Variants in ADAMTSL1 observed in about 807,000 individuals in gnomAD.
ADAMTSL1 encodes ADAMTS-like protein 1.
A neutral mutation model predicts 201.8 loss-of-function variants in ADAMTSL1; 126 were observed. That is an observed-to-expected ratio of 0.62 (90% CI 0.54 to 0.72). The LOEUF is 0.72. Ranked by LOEUF, ADAMTSL1 falls within the 30% of genes least tolerant of loss-of-function variation. ADAMTSL1 has a pLI of 0.00. For synonymous variants in ADAMTSL1, 1,121 were observed against 903.4 expected (o/e 1.24, Z -4.32); for missense variants, 2,679 against 2,277.8 (o/e 1.18, Z -3.59).
At chr9:18,550,719 A>G (rs1820749030) in intron 3 of ADAMTSL1, among the ~76,000 whole-genome samples, 1 of 151,972 alleles carries the variant, frequency 6.6e-6, no homozygotes, top group South Asian at 2.1e-4. Flanking sequence ...ATCATGAGAT[A>G]ATAAATTTGT....
intron 1 of ADAMTSL1, among the ~76,000 whole-genome samples, chr9:18,083,502 T>G (rs1343994965): frequency 6.6e-6 from 1 of 152,224 alleles, no homozygotes; most frequent in Admixed American, 6.5e-5. Context: ...TTTTTAATGT[T>G]GATATTTAGC....
At chr9:18,013,281 G>C (rs914000569) in intron 1 of ADAMTSL1, among the ~76,000 whole-genome samples, 1 of 152,012 alleles carries the variant, frequency 6.6e-6, no homozygotes, top group Non-Finnish European at 1.5e-5. Flanking sequence ...AAGCCTAACA[G>C]AAATTTGACT....
intron 4 of ADAMTSL1, among the ~76,000 whole-genome samples, chr9:18,613,564 G>A (rs747620438): frequency 6.4e-4 from 97 of 152,248 alleles, no homozygotes; most frequent in South Asian, 1.7e-3. Context: ...CCTTTGCAGG[G>A]ACATGAATGG....
intron 2 of ADAMTSL1, among the ~76,000 whole-genome samples, chr9:18,270,290 C>A (rs1264743924): frequency 3.3e-5 from 5 of 151,974 alleles, no homozygotes; most frequent in Non-Finnish European, 7.4e-5. Flanking sequence ...GAGGACTCAG[C>A]CCTCATGATT....
At chr9:18,328,880 T>A (rs1169802309) in intron 2 of ADAMTSL1, among the ~76,000 whole-genome samples, 1 of 152,162 alleles carries the variant, frequency 6.6e-6, no homozygotes, top group Non-Finnish European at 1.5e-5. Flanking sequence ...AAACCATGGA[T>A]GTCCTTATGC....
intron 23 of ADAMTSL1, among the ~76,000 whole-genome samples, chr9:18,886,681 G>T (rs1828921864): frequency 6.6e-6 from 1 of 152,170 alleles, no homozygotes; most frequent in East Asian, 1.9e-4. Context: ...TCTCTCCAGG[G>T]CCTCTTTTAT....
intron 1 of ADAMTSL1, among the ~76,000 whole-genome samples, chr9:17,982,704 T>C (rs1357695386): frequency 6.6e-6 from 1 of 152,190 alleles, no homozygotes; most frequent in Non-Finnish European, 1.5e-5. Flanking sequence ...TCAGTTTAAA[T>C]GGCAGAATCA....
intron 2 of ADAMTSL1, among the ~76,000 whole-genome samples, chr9:18,433,320 C>T (rs975637388): frequency 5.9e-5 from 9 of 151,878 alleles, no homozygotes; most frequent in African/African-American, 2.2e-4. Context: ...GCGTTCTTTC[C>T]CCTAAAAGAA....
chr9:18,430,969 G>T (rs751567628), intron 2 of ADAMTSL1, among the ~76,000 whole-genome samples: 4 of 152,148 alleles, frequency 2.6e-5, no homozygotes, highest in Non-Finnish European at 4.4e-5. Flanking sequence ...GATATATTAG[G>T]TCCCTACAGA....
intron 5 of ADAMTSL1, among the ~76,000 whole-genome samples, chr9:18,629,335 G>T (rs1292367203): frequency 6.6e-6 from 1 of 152,056 alleles, no homozygotes; most frequent in Non-Finnish European, 1.5e-5. Context: ...AATCTTAAGA[G>T]GAAAGCATTC....
At chr9:18,567,661 T>C (rs558862772) in intron 3 of ADAMTSL1, among the ~76,000 whole-genome samples, 3 of 152,086 alleles carry the variant, frequency 2.0e-5, no homozygotes, top group African/African-American at 7.2e-5. Flanking sequence ...TCAGGGAATA[T>C]GCTCCAAGAC....
Position 18,085,186 on chromosome 9 carries a change from G to C in ADAMTSL1, c.88-78676G>C, listed in dbSNP as rs185830226. On this transcript the variant is annotated intron_variant, in intron 1 of 29. Coordinates refer to the ADAMTSL1 transcript ENST00000680146. ...CAGATTACACAGGACCTCATAGACTGTGTTTTTCCTGTGATTCAAGTGGGA... is the reference window on the plus strand; with the variant it reads ...CAGATTACACAGGACCTCATAGACTCTGTTTTTCCTGTGATTCAAGTGGGA... 8.4e-3 allele frequency among the ~76,000 whole-genome samples: 1,273 copies of C among 151,848 alleles called. 27 individuals carry two copies. Among genetic ancestry groups the C allele is most frequent in the African/African-American group, 0.029 (1,201 of 41,410 alleles).
At chr9:18,103,475 T>G (rs1824623170) in intron 1 of ADAMTSL1, among the ~76,000 whole-genome samples, 2 of 152,164 alleles carry the variant, frequency 1.3e-5, no homozygotes, top group South Asian at 4.1e-4. Flanking sequence ...TAAAGCCCAC[T>G]TTTTTCTCTC....
rs77793158 is a variant in ADAMTSL1, at chr9:18,082,992, C to T, written c.88-80870C>T. Reference sequence around the variant, plus strand: ...ACTGCCAGGAAGCTGGACTCTGATACAATCAATTACTTTGCAAAATATCAT... The same window carrying T: ...ACTGCCAGGAAGCTGGACTCTGATATAATCAATTACTTTGCAAAATATCAT... On this transcript the variant is annotated intron_variant, in intron 1 of 29. Coordinates refer to the ADAMTSL1 transcript ENST00000680146. 3.8e-3 allele frequency among the ~76,000 whole-genome samples: 578 copies of T among 152,242 alleles called. 4 individuals are homozygous for T. The highest frequency in any genetic ancestry group is 0.013 in the African/African-American group (537 of 41,544).
At chr9:18,300,352 A>G (rs1833656984) in intron 2 of ADAMTSL1, among the ~76,000 whole-genome samples, 3 of 152,044 alleles carry the variant, frequency 2.0e-5, no homozygotes, top group South Asian at 4.2e-4. Context: ...TCAGCAAACA[A>G]TCATAAGGAC....
intron 1 of ADAMTSL1, among the ~76,000 whole-genome samples, chr9:17,967,221 A>C (rs1818010073): frequency 6.6e-6 from 1 of 152,240 alleles, no homozygotes; most frequent in South Asian, 2.1e-4. Context: ...GGAATGTCTA[A>C]GAATTCCTGG....
chr9:17,956,700 G>T (rs78064376), intron 1 of ADAMTSL1, among the ~76,000 whole-genome samples: 6 of 152,048 alleles, frequency 3.9e-5, no homozygotes, highest in Non-Finnish European at 7.3e-5. Context: ...AGTCACTAAG[G>T]CCAGCTTAGG....
intron 26 of ADAMTSL1, among the ~76,000 whole-genome samples, chr9:18,904,760 C>T (rs1242357382): frequency 7.8e-6 from 1 of 128,720 alleles, no homozygotes; most frequent in Non-Finnish European, 1.6e-5. Context: ...TTACATTTAC[C>T]CCAACCCTCC....
chr9:18,622,160 G>C (rs963093672), intron 4 of ADAMTSL1, 83 bp from the exon 5 acceptor site: 9 of 1,548,568 alleles, frequency 5.8e-6, no homozygotes, highest in Admixed American at 3.5e-5. Context: ...TGAAGGGAGG[G>C]TTATTTCATG....
Sources: allele counts gnomAD v4.1 joint callset (sites outside exome capture counted in the v4.1 genomes callset), GRCh38; gene constraint gnomAD v4.1.1; transcripts MANE v1.5; gene names NCBI Gene and HGNC (gene_info 2026-07-23, HGNC 2026-07-21).